DLAT: variants seen among roughly 807,000 people sequenced by gnomAD.
The protein encoded by DLAT is dihydrolipoamide S-acetyltransferase.
A neutral mutation model predicts 68.0 loss-of-function variants in DLAT; 43 were observed. The ratio of observed to expected loss-of-function variants is 0.63; its 90% confidence interval spans 0.50 to 0.81. DLAT has a LOEUF of 0.81. Among genes scored for constraint, DLAT ranks in the 40% least tolerant of loss-of-function variants. The pLI, the probability that DLAT is intolerant of heterozygous loss-of-function variation, is 0.00. For synonymous variants in DLAT, 265 were observed against 288.6 expected, an observed-to-expected ratio of 0.92 and a Z score of 0.83; for missense variants, 745 against 815.4, an observed-to-expected ratio of 0.91 and a Z score of 1.05.
intron 2 of DLAT, among the ~76,000 whole-genome samples, chr11:112,027,282 C>T (rs1862099841): frequency 7.4e-6 from 1 of 134,796 alleles, no homozygotes; most frequent in Non-Finnish European, 1.5e-5. Flanking sequence ...CGGGTAGAGG[C>T]GCTCCTCACA....
At chr11:112,028,685 G>A (rs782379548) in intron 3 of DLAT, 46 bp downstream of exon 3, 1 of 1,614,154 alleles carries the variant, frequency 6.2e-7, no homozygotes, top group East Asian at 2.2e-5. Context: ...GCTTGGTGGA[G>A]TATTTTACCC....
intron 10 of DLAT, among the ~76,000 whole-genome samples, chr11:112,047,945 C>T (rs1267602826): frequency 6.6e-5 from 10 of 152,118 alleles, no homozygotes; most frequent in Non-Finnish European, 1.3e-4. Context: ...CTTGGCTATA[C>T]GGGCCCTTTT....
intron 13 of DLAT, 76 bp downstream of exon 13, chr11:112,061,250 G>T: frequency 6.5e-7 from 1 of 1,530,326 alleles, no homozygotes. Flanking sequence ...TATCCTCAGG[G>T]GATTGGCTCC....
rs368341648 is a variant in DLAT, at chr11:112,039,381, T to G, written c.1113T>G (p.Asp371Glu). ...AGTTGGCAGTAGAGAAAGGGATTGATCTTACACAAGTAAAAGGTAAATCTG... is the reference window on the plus strand; with the variant it reads ...AGTTGGCAGTAGAGAAAGGGATTGAGCTTACACAAGTAAAAGGTAAATCTG... ...AKKLAVEKGI[D>E]LTQVKGTGPD... The change falls in exon 7 of 14, where the codon GAT becomes GAG. Residue 371 changes from aspartate to glutamate, a missense_variant. By Grantham distance (45) the Asp-to-Glu change is conservative. Coordinates refer to ENST00000280346, the MANE Select transcript of DLAT (RefSeq NM_001931.5). 6.2e-7 allele frequency: 1 copy of G among 1,614,150 alleles called. No individual in the cohort carries two copies. Among genetic ancestry groups the G allele is most frequent in the Non-Finnish European group, 8.5e-7 (1 of 1,180,006 alleles).
At chr11:112,036,210 T>TTTTG (rs1862762247) in intron 5 of DLAT, among the ~76,000 whole-genome samples, 6 of 55,542 alleles carry the variant, frequency 1.1e-4, no homozygotes, top group Admixed American at 4.5e-4. Context: ...TGTTTTTTTT[T>TTTTG]TTTTTTTTTT....
At chr11:112,028,059 G>T (rs587671702) in intron 2 of DLAT, among the ~76,000 whole-genome samples, 3 of 152,194 alleles carry the variant, frequency 2.0e-5, no homozygotes, top group Admixed American at 2.0e-4. Context: ...TTAAGAAACT[G>T]AAGTGTTTTT....
chr11:112,056,336 T>C (rs587613778), intron 11 of DLAT, among the ~76,000 whole-genome samples: 3 of 152,330 alleles, frequency 2.0e-5, no homozygotes, highest in Admixed American at 1.3e-4. Flanking sequence ...TGCTCATTTA[T>C]AGTAAATTCT....
chr11:112,051,112 A>G lies in DLAT; in HGVS notation c.1399-122A>G. 1 of 675,826 alleles carries G rather than the reference A, an allele frequency of 1.5e-6. No homozygotes were observed. The highest frequency in any genetic ancestry group is 2.8e-5 in the East Asian group (1 of 35,862). The allele number at this position is 675,826 out of a possible 1,614,324, so 41.9% of individuals were successfully genotyped here. ...TGGGTGATGGGTTGACAGGTGCAGC[A>G]AACCACCATGGCACATGTTTACCTA... On this transcript the variant is annotated intron_variant, in intron 10 of 13. Coordinates refer to ENST00000280346, the MANE Select transcript of DLAT (RefSeq NM_001931.5). This position sits in a 1 kb window ranked among gnomAD's most constrained non-coding sequence, Gnocchi z 4.3.
At chr11:112,031,496 A>G (rs1592665339) in intron 4 of DLAT, among the ~76,000 whole-genome samples, 1 of 152,246 alleles carries the variant, frequency 6.6e-6, no homozygotes, top group East Asian at 1.9e-4. Flanking sequence ...GGCTCACTGC[A>G]ACCTCTGCCT....
chr11:112,061,279 C>A, intron 13 of DLAT, 105 bp downstream of exon 13: 1 of 1,223,046 alleles, frequency 8.2e-7, no homozygotes, highest in South Asian at 1.2e-5. Flanking sequence ...CCTCAAATAT[C>A]GTGATCCACA....
chr11:112,030,098 A>G, intron 4 of DLAT: 1 of 798,356 alleles, frequency 1.3e-6, no homozygotes, highest in Non-Finnish European at 2.1e-6. Context: ...TCTCCTGGTA[A>G]ATACTGGCGA....
At chr11:112,036,096 C>CATATAT (rs71060207) in intron 5 of DLAT, among the ~76,000 whole-genome samples, 5 of 141,464 alleles carry the variant, frequency 3.5e-5, no homozygotes, top group Non-Finnish European at 4.5e-5. Context: ...CAGCCTTAAA[C>CATATAT]ATATATATAT....
At position 112,033,899 on chromosome 11, in the gene DLAT, A is replaced by AT. The variant is rs782506167; in HGVS notation, c.787+375dup. 7.9e-5 allele frequency among the ~76,000 whole-genome samples: 12 copies of AT among 152,038 alleles called. No individual in the cohort carries two copies. The South Asian group carries it at 2.3e-3, about 29-fold the overall frequency. ...CCACCACACCTAGCTGATTTTTTAA[A>AT]TTTTTTGTAGAGATGGGGTCTCACT... On this transcript the variant is annotated intron_variant, in intron 5 of 13. Coordinates refer to ENST00000280346, the MANE Select transcript of DLAT (RefSeq NM_001931.5).
chr11:112,037,637 A>G (rs1437751364), intron 6 of DLAT, among the ~76,000 whole-genome samples, 177 bp downstream of exon 6: 1 of 152,136 alleles, frequency 6.6e-6, no homozygotes, highest in East Asian at 1.9e-4. Context: ...CTGTTCACCT[A>G]ATGGTTGATA....
At chr11:112,028,472 T>C (rs967111623) in intron 2 of DLAT, 43 bp from the exon 3 acceptor site, 2 of 1,328,062 alleles carry the variant, frequency 1.5e-6, no homozygotes, top group Non-Finnish European at 2.1e-6. Flanking sequence ...ATAAATTACA[T>C]ACCAACAGTA....
At chr11:112,030,929 C>T (rs1272104032) in intron 4 of DLAT, among the ~76,000 whole-genome samples, 1 of 152,162 alleles carries the variant, frequency 6.6e-6, no homozygotes, top group Non-Finnish European at 1.5e-5. Context: ...ACATGCTGTT[C>T]GGCAAATTCT....
chr11:112,046,794 ACT>A (rs1193592419), intron 10 of DLAT, among the ~76,000 whole-genome samples: 7 of 150,500 alleles, frequency 4.7e-5, no homozygotes, highest in Admixed American at 1.3e-4. Flanking sequence ...AAGGACACAA[ACT>A]CATCCTTTTT....
At chr11:112,035,320 G>C (rs1555180314) in intron 5 of DLAT, among the ~76,000 whole-genome samples, 1 of 152,078 alleles carries the variant, frequency 6.6e-6, no homozygotes, top group African/African-American at 2.4e-5. Flanking sequence ...AATTTTATTT[G>C]AAGAAAGGAT....
At position 112,025,723 on chromosome 11, in the gene DLAT, G is replaced by A. The variant is rs1861956365; in HGVS notation, c.251G>A (p.Arg84His). The change falls in exon 1 of 14, where the codon CGC (arginine) becomes CAC (histidine). Residue 84 changes from arginine (R) to histidine (H), a missense_variant. Transcript: ENST00000280346. ...LLQLLGSPGR[R>H]YYSLPPHQKV... ...CAGCTTTTGGGGTCGCCCGGCCGCC[G>A]CTATTACAGTCTTCCCCCGCATCAG... 1 of 1,613,214 alleles carries A rather than the reference G, an allele frequency of 6.2e-7. No homozygotes were observed. The highest frequency in any genetic ancestry group is 1.1e-5 in the South Asian group (1 of 91,078).
Sources: gnomAD v4.1 joint callset for allele counts (sites outside exome capture counted in the v4.1 genomes callset) on GRCh38, gnomAD v4.1.1 for gene constraint, Gnocchi (gnomAD v3.1) non-coding constraint, MANE v1.5 for transcripts, NCBI Gene and HGNC (gene_info 2026-07-23, HGNC 2026-07-21) for gene names.